Variants in CDC42BPB observed in about 807,000 individuals in gnomAD.
CDC42BPB encodes CDC42 binding protein kinase beta, also known as serine/threonine-protein kinase MRCK beta.
A neutral mutation model predicts 214.9 loss-of-function variants in CDC42BPB; 37 were observed. The ratio of observed to expected loss-of-function variants is 0.17; its 90% CI spans 0.13 to 0.23. The LOEUF (loss-of-function observed/expected upper bound fraction) is 0.23. CDC42BPB is among the 10% of genes least tolerant of loss of function. The probability of loss-of-function intolerance (pLI) is 1.00; values close to 1 mark genes in which losing one functional copy is unlikely to be tolerated. For synonymous variants in CDC42BPB, 931 were observed against 884.0 expected (o/e 1.05, Z -0.94); for missense variants, 1,694 against 2,227.0 (o/e 0.76, Z 4.82).
In CDC42BPB at chr14:102,976,146, A is replaced by C. The variant is rs564737080; in HGVS notation, c.1221-97T>G. 3.6e-5 allele frequency: 55 copies of C among 1,524,898 alleles called. 1 individual carries two copies. In the Middle Eastern group the frequency reaches 2.0e-3, roughly 54 times the overall value. 94.5% of individuals were successfully genotyped at this position (1,524,898 alleles called of 1,614,324 possible). The stretch of plus-strand genomic sequence containing the variant: ...CTGAGGTGAAAGATAGTCTTTTTAA[A>C]TCAGCAAACAAAAACACCTGAGATA... On this transcript the variant is annotated intron_variant, in intron 9 of 36. Transcript: ENST00000361246.
At position 102,947,811 on chromosome 14, in the gene CDC42BPB, G is replaced by A. The variant is rs2139378724; in HGVS notation, c.3450-9C>T. The A allele has an allele frequency of 6.2e-7, 1 of 1,612,402 alleles. No homozygotes were observed. Among genetic ancestry groups the A allele is most frequent in the Non-Finnish European group, 8.5e-7 (1 of 1,179,764 alleles). ...CGGAAAACTCGTCATCTCTGGTAAG[G>A]AAGAAACATTGACCCCGCTGGGAGA... On this transcript the variant is annotated splice_polypyrimidine_tract_variant and intron_variant, in intron 26 of 36. Coordinates refer to ENST00000361246, the MANE Select transcript of CDC42BPB (RefSeq NM_006035.4).
At chr14:102,964,840 A>G (rs1893122877) in intron 18 of CDC42BPB, 190 bp from the exon 19 acceptor site, 1 of 804,884 alleles carries the variant, frequency 1.2e-6, no homozygotes, top group African/African-American at 1.9e-5. Context: ...CTTCCTCAGA[A>G]ATCTTCTAAA....
chr14:103,025,022 A>G (rs1258849104), intron 1 of CDC42BPB, among the ~76,000 whole-genome samples: 1 of 152,198 alleles, frequency 6.6e-6, no homozygotes, highest in Non-Finnish European at 1.5e-5. Flanking sequence ...TAGACAGTAT[A>G]TTTTGAAATT....
intron 11 of CDC42BPB, 116 bp from the exon 12 acceptor site, chr14:102,974,265 CAG>C (rs1893628962): frequency 6.2e-6 from 9 of 1,450,938 alleles, no homozygotes; most frequent in African/African-American, 1.5e-5. Flanking sequence ...CTTTTTCATT[CAG>C]AGGTTTTTTT....
Position 102,975,733 on chromosome 14 carries a change from T to A in CDC42BPB, c.1458A>T (p.Glu486Asp), listed in dbSNP as rs1457212134. ...CGATTTCTTCATTTAGCTTTTTGAT[T>A]TCTTTATCTCGGTTTGAATTGCTGA... ...RALSNSNRDK[E>D]IKKLNEEIER... The change falls in exon 11 of 37, where the codon GAA becomes GAT. Residue 486 changes from glutamate (E) to aspartate (D), a missense_variant. By Grantham distance (45) the Glu-to-Asp change is conservative. Transcript: ENST00000361246. The A allele has an allele frequency of 6.2e-7, 1 of 1,614,190 alleles. No individual in the cohort carries two copies. The highest frequency in any genetic ancestry group is 8.5e-7 in the Non-Finnish European group (1 of 1,179,994).
At chr14:103,012,408 C>T (rs759474297) in intron 1 of CDC42BPB, 12 of 335,894 alleles carry the variant, frequency 3.6e-5, no homozygotes, top group African/African-American at 6.7e-5. Context: ...GTTGCAGCCA[C>T]GCACTGGGTA....
chr14:102,989,320 G>A (rs527447123), intron 5 of CDC42BPB, among the ~76,000 whole-genome samples: 3 of 152,342 alleles, frequency 2.0e-5, no homozygotes, highest in Non-Finnish European at 4.4e-5. Context: ...AATTGGTAAT[G>A]TCTATGGAGG....
chr14:102,995,824 G>A (rs34616125), intron 5 of CDC42BPB, among the ~76,000 whole-genome samples: 55 of 152,316 alleles, frequency 3.6e-4, no homozygotes, highest in Admixed American at 3.4e-3. Context: ...CACCACTCTG[G>A]CGCCAATGAC....
chr14:102,946,311 C>T (rs1330415141), intron 28 of CDC42BPB, among the ~76,000 whole-genome samples, 157 bp downstream of exon 28: 4 of 151,710 alleles, frequency 2.6e-5, no homozygotes, highest in East Asian at 1.9e-4. Context: ...GCGTGAGCCA[C>T]CGCACCCGGC....
At chr14:103,051,167 G>C (rs986104182) in intron 1 of CDC42BPB, among the ~76,000 whole-genome samples, 1 of 150,060 alleles carries the variant, frequency 6.7e-6, no homozygotes, top group Admixed American at 6.6e-5. Context: ...GGGGGCGGGA[G>C]ATTACTACAC....
chr14:103,043,651 A>G (rs1473854941), intron 1 of CDC42BPB, among the ~76,000 whole-genome samples: 1 of 152,140 alleles, frequency 6.6e-6, no homozygotes, highest in African/African-American at 2.4e-5. Flanking sequence ...TAAATCATGC[A>G]TGACTTGAAT....
At chr14:103,007,298 C>G (rs1387322151) in intron 3 of CDC42BPB, among the ~76,000 whole-genome samples, 5 of 152,006 alleles carry the variant, frequency 3.3e-5, no homozygotes, top group African/African-American at 1.2e-4. Context: ...GGGTGCAGAG[C>G]GGGGGAGGGA....
chr14:102,968,828 T>G, intron 14 of CDC42BPB, 112 bp from the exon 15 acceptor site: 1 of 1,533,960 alleles, frequency 6.5e-7, no homozygotes, highest in Non-Finnish European at 8.7e-7. Context: ...AAGGACTGTG[T>G]GTGCCTGGTC....
Position 102,944,128 on chromosome 14 carries a change from G to A in CDC42BPB, c.4171C>T (p.Pro1391Ser). 1 of 1,613,258 alleles carries A rather than the reference G, an allele frequency of 6.2e-7. No individual in the cohort carries two copies. Residue 1391 changes from proline (P) to serine (S), a missense_variant, in exon 30 of 37, where the codon CCT becomes TCT. Around this residue, in one of 7 missense-constraint regions of CDC42BPB, gnomAD observed 567 missense variants for 790.3 expected, o/e 0.72. Transcript: ENST00000361246. The surrounding 1 kb of genome is among the most constrained non-coding windows in gnomAD (Gnocchi z 6.6). ...ATGCTCAGCAGGCAGAACCCAGAAG[G>A]GTAGCCCACACAGAGCCTGTCCCTG... ...VLRDRLCVGY[P>S]SGFCLLSIQG...
At position 102,938,372 on chromosome 14, in the gene CDC42BPB, C is replaced by T. The variant is rs148797004; in HGVS notation, c.4867G>A (p.Ala1623Thr). ...PPSQEERPGP[A>T]PTNLARQPPS... ...GGCTGGCGAGCCAGGTTGGTGGGAG[C>T]GGGGCCCGGCCTTTCCTCCTGGGAG... The change falls in exon 35 of 37, where the codon GCT (alanine) becomes ACT (threonine). Residue 1623 changes from alanine (A) to threonine (T), a missense_variant. By Grantham distance (58) the Ala-to-Thr change is moderately conservative (BLOSUM62 0). This residue lies in a region of CDC42BPB where 146 missense variants were observed against 134.1 expected (regional missense o/e 1.09). Transcript: ENST00000361246. 1.5e-4 allele frequency: 235 copies of T among 1,573,410 alleles called. No individual in the cohort carries two copies. Among genetic ancestry groups the T allele is most frequent in the African/African-American group, 9.9e-4 (73 of 73,588 alleles).
chr14:102,983,821 T>A, intron 6 of CDC42BPB, 65 bp from the exon 7 acceptor site: 1 of 1,545,478 alleles, frequency 6.5e-7, no homozygotes, highest in Non-Finnish European at 8.7e-7. Flanking sequence ...TTCCAACTAC[T>A]TTCTCTAAAA....
Position 103,038,906 on chromosome 14 carries a change from G to A in CDC42BPB, c.175+18093C>T, listed in dbSNP as rs192713081. On this transcript the variant is annotated intron_variant, in intron 1 of 36. Coordinates refer to ENST00000361246, the MANE Select transcript of CDC42BPB (RefSeq NM_006035.4). ...TTGAGATTGACCAAGAAAAAAAACA[G>A]CAGCAACTCAAATTGCTAGGATGGA... 1.4e-4 allele frequency among the ~76,000 whole-genome samples: 21 copies of A among 152,190 alleles called. 1 individual carries two copies. The Middle Eastern group carries it at 0.017, about 123-fold the overall frequency.
At chr14:102,949,237 A>G (rs1017637208) in intron 26 of CDC42BPB, among the ~76,000 whole-genome samples, 1 of 152,164 alleles carries the variant, frequency 6.6e-6, no homozygotes, top group Non-Finnish European at 1.5e-5. Context: ...TGAGCCACAG[A>G]TGTCAACTCT....
intron 1 of CDC42BPB, among the ~76,000 whole-genome samples, chr14:103,054,092 T>G (rs1286935291): frequency 6.6e-6 from 1 of 152,186 alleles, no homozygotes; most frequent in Non-Finnish European, 1.5e-5. Context: ...CTTGTCTTCC[T>G]GAGTTCAACC....
Sources: gnomAD v4.1 joint callset for allele counts (sites outside exome capture counted in the v4.1 genomes callset) on GRCh38, gnomAD v4.1.1 for gene constraint, gnomAD v4.1.1 regional missense constraint, Gnocchi (gnomAD v3.1) non-coding constraint, MANE v1.5 for transcripts, NCBI Gene and HGNC (gene_info 2026-07-23, HGNC 2026-07-21) for gene names.